The following PTGER3 variants were observed in gnomAD, a reference collection of about 807,000 sequenced individuals.
The protein encoded by PTGER3 is prostaglandin E2 receptor EP3 subtype.
Under a neutral mutation model 34.7 loss-of-function variants are expected in PTGER3, and 22 were observed. The ratio of observed to expected loss-of-function variants is 0.63; its 90% CI spans 0.45 to 0.91. The LOEUF is 0.91. Ranked by LOEUF, PTGER3 falls within the 40% of genes least tolerant of loss-of-function variation. PTGER3 has a pLI of 0.00. For missense variants in PTGER3, 468 were observed against 519.4 expected, an observed-to-expected ratio of 0.90 and a Z score of 0.96; for synonymous variants, 241 against 230.1, an observed-to-expected ratio of 1.05 and a Z score of -0.43.
chr1:71,047,367 G>C lies in PTGER3; in HGVS notation c.211C>G (p.Leu71Val). The C allele has an allele frequency of 6.2e-7, 1 of 1,610,644 alleles. No homozygotes were observed. Reference sequence around the variant, plus strand: ...CGCCGGTAGCTGCGCGACACGAGCAGCATGGCCAGTGCGTTGCCCACGAAA... The same window carrying C: ...CGCCGGTAGCTGCGCGACACGAGCACCATGGCCAGTGCGTTGCCCACGAAA... ...TGFVGNALAM[L>V]LVSRSYRRRE... Residue 71 changes from leucine to valine, a missense_variant, in exon 1 of 4, where the codon CTG becomes GTG. Leu to Val is a conservative substitution (Grantham distance 32, BLOSUM62 1). This residue lies in a region of PTGER3 where 151 missense variants were observed against 133.5 expected (regional missense o/e 1.13). Coordinates refer to ENST00000306666, the MANE Select transcript of PTGER3 (RefSeq NM_198719.2).
chr1:71,013,414 A>G (rs1218825069), intron 1 of PTGER3, among the ~76,000 whole-genome samples: 1 of 152,206 alleles, frequency 6.6e-6, no homozygotes, highest in African/African-American at 2.4e-5. Flanking sequence ...CATATTAAAA[A>G]TGTTCAGGCC....
chr1:70,981,905 C>T (rs887267660), intron 2 of PTGER3, among the ~76,000 whole-genome samples: 2 of 152,196 alleles, frequency 1.3e-5, no homozygotes, highest in Middle Eastern at 3.4e-3. Context: ...AGTGCACCCT[C>T]CATGCTGCCC....
At chr1:70,971,757 T>C (rs771513797) in intron 3 of PTGER3, 24 bp from the exon 4 acceptor site, 13 of 1,477,354 alleles carry the variant, frequency 8.8e-6, no homozygotes, top group South Asian at 1.3e-5. Flanking sequence ...GAGAGAAAGA[T>C]GCAATAAGCA....
rs1376173673 is a variant in PTGER3 at position 70,918,479 on chromosome 1, T to C, written c.*23+35284A>G. 2.6e-5 allele frequency among the ~76,000 whole-genome samples: 4 copies of C among 152,140 alleles called. No individual in the cohort carries two copies. The South Asian group carries it at 8.3e-4, about 32-fold the overall frequency. On this transcript the variant is annotated intron_variant, in intron 4 of 4. Coordinates refer to the PTGER3 transcript ENST00000370931. ...AAGTGGAGACTACCTACAAAGTCAA[T>C]CTAATTTGGAAGCTGTTCACTTTTT...
rs142341219 is a variant in PTGER3 at position 71,003,912 on chromosome 1, C to A, written c.1077+8393G>T. On this transcript the variant is annotated intron_variant, in intron 2 of 3. Coordinates refer to ENST00000306666, the MANE Select transcript of PTGER3 (RefSeq NM_198719.2). ...ATAGATAGACTTCGGCAGGTCTGTA[C>A]AATTTCTGACACTGTGCAAAAATCC... Among the ~76,000 whole-genome samples the A allele has an allele frequency of 2.2e-3, 332 of 152,298 alleles. 3 individuals carry two copies. Among genetic ancestry groups the A allele is most frequent in the African/African-American group, 7.6e-3 (314 of 41,570 alleles).
intron 1 of PTGER3, among the ~76,000 whole-genome samples, chr1:71,040,156 AAAAG>A (rs1238548103): frequency 4.0e-5 from 6 of 151,750 alleles, no homozygotes; most frequent in Non-Finnish European, 8.8e-5. Context: ...AAAAAGAAAG[AAAAG>A]AGAGAGGAGG....
chr1:70,939,892 T>A (rs1649595801), intron 4 of PTGER3, among the ~76,000 whole-genome samples: 2 of 152,222 alleles, frequency 1.3e-5, no homozygotes, highest in South Asian at 4.1e-4. Flanking sequence ...TCTCGGGGAT[T>A]AACATTCGGC....
chr1:70,855,851 G>C (rs1383196757), intron 4 of PTGER3, among the ~76,000 whole-genome samples: 1 of 152,132 alleles, frequency 6.6e-6, no homozygotes, highest in Non-Finnish European at 1.5e-5. Context: ...ATATTAACTA[G>C]TCCAGTGAGA....
intron 4 of PTGER3, among the ~76,000 whole-genome samples, chr1:70,898,843 T>A (rs1646776926): frequency 6.6e-6 from 1 of 152,110 alleles, no homozygotes; most frequent in African/African-American, 2.4e-5. Context: ...CCCTCTAAAA[T>A]CTCAAAAAAG....
At chr1:70,986,833 C>T (rs542518133) in intron 2 of PTGER3, among the ~76,000 whole-genome samples, 1 of 152,134 alleles carries the variant, frequency 6.6e-6, no homozygotes, top group South Asian at 2.1e-4. Context: ...CTGAATTAAC[C>T]CAAAATGAGA....
At chr1:71,021,948 CAT>C (rs1294746864) in intron 1 of PTGER3, among the ~76,000 whole-genome samples, 1 of 151,796 alleles carries the variant, frequency 6.6e-6, no homozygotes, top group Non-Finnish European at 1.5e-5. Flanking sequence ...TATTTAGTAA[CAT>C]GAAGAAATGT....
downstream of PTGER3, among the ~76,000 whole-genome samples, chr1:70,967,858 T>A (rs182294230): frequency 1.5e-3 from 232 of 152,330 alleles, no homozygotes; most frequent in African/African-American, 5.3e-3. Flanking sequence ...CAACTCTGTC[T>A]GAATTTTCAT....
At chr1:70,918,326 A>C (rs1185634108) in intron 4 of PTGER3, among the ~76,000 whole-genome samples, 1 of 152,090 alleles carries the variant, frequency 6.6e-6, no homozygotes, top group Non-Finnish European at 1.5e-5. Flanking sequence ...TGCTTCATGA[A>C]ATTGGGCAGG....
At chr1:70,974,244 C>CAG in intron 3 of PTGER3, 53 bp downstream of exon 3, 9 of 1,601,928 alleles carry the variant, frequency 5.6e-6, no homozygotes, top group South Asian at 3.4e-5. Context: ...CCGATTAGAA[C>CAG]AGAGAGACGG....
intron 2 of PTGER3, among the ~76,000 whole-genome samples, chr1:70,988,229 G>C (rs2100757167): frequency 6.6e-6 from 1 of 152,254 alleles, no homozygotes; most frequent in Non-Finnish European, 1.5e-5. Flanking sequence ...GCAAAACCTT[G>C]ATAAATTCTT....
At chr1:70,945,240 C>T (rs986947040) in intron 4 of PTGER3, among the ~76,000 whole-genome samples, 3 of 152,110 alleles carry the variant, frequency 2.0e-5, no homozygotes, top group African/African-American at 7.2e-5. Flanking sequence ...AGACTAGTAA[C>T]AGTGAGACAA....
At chr1:70,887,411 C>A (rs1385268907) in intron 4 of PTGER3, among the ~76,000 whole-genome samples, 1 of 152,102 alleles carries the variant, frequency 6.6e-6, no homozygotes, top group Non-Finnish European at 1.5e-5. Flanking sequence ...TATTACAGTT[C>A]TTTCTCTTCT....
chr1:70,959,404 A>C (rs1651692851), intron 2 of PTGER3, among the ~76,000 whole-genome samples: 1 of 148,466 alleles, frequency 6.7e-6, no homozygotes, highest in Admixed American at 6.8e-5. Context: ...AGGCTGCTGG[A>C]GTGCAGTGGC....
intron 2 of PTGER3, chr1:71,011,983 G>A: frequency 6.0e-6 from 8 of 1,343,462 alleles, no homozygotes; most frequent in South Asian, 1.9e-5. Context: ...ATTCAGCTAC[G>A]AATGGCAGAC....
Sources: gnomAD v4.1 joint callset for allele counts (sites outside exome capture counted in the v4.1 genomes callset) on GRCh38, gnomAD v4.1.1 for gene constraint, gnomAD v4.1.1 regional missense constraint, MANE v1.5 for transcripts, NCBI Gene and HGNC (gene_info 2026-07-23, HGNC 2026-07-21) for gene names.